AMMECR1: variants seen among roughly 807,000 people sequenced by gnomAD.
The protein encoded by AMMECR1 is nuclear protein AMMECR1.
In AMMECR1, 3 loss-of-function variants were observed where a neutral mutation model predicts 22.5. The ratio of observed to expected loss-of-function variants is 0.13; its 90% confidence interval spans 0.06 to 0.35. The LOEUF is 0.35. Among genes scored for constraint, AMMECR1 ranks in the 10% least tolerant of loss-of-function variants. The pLI, the probability that AMMECR1 is intolerant of heterozygous loss-of-function variation, is 1.00. For synonymous variants in AMMECR1, 130 were observed against 116.7 expected (o/e 1.11, Z -0.74); for missense variants, 235 against 278.7 (o/e 0.84, Z 1.12).
At chrX:110,423,336 A>AAAAAAG (rs940957310) in intron 2 of AMMECR1, among the ~76,000 whole-genome samples, 18 of 110,889 alleles carry the variant, frequency 1.6e-4, no homozygotes, top group African/African-American at 5.9e-4. Context: ...CTCAAAAAAA[A>AAAAAAG]AAAAAGAAAA....
At chrX:110,346,224 TA>T (rs1299556624) in intron 2 of AMMECR1, among the ~76,000 whole-genome samples, 1 of 112,152 alleles carries the variant, frequency 8.9e-6, no homozygotes, top group East Asian at 2.8e-4. Context: ...ATTAAATTTT[TA>T]TATGTTACTT....
chrX:110,405,269 C>T (rs1402555518), intron 2 of AMMECR1, among the ~76,000 whole-genome samples: 1 of 111,538 alleles, frequency 9.0e-6, no homozygotes, highest in African/African-American at 3.3e-5. Flanking sequence ...TGCCAAATTG[C>T]AAAGGGAGCT....
intron 2 of AMMECR1, among the ~76,000 whole-genome samples, chrX:110,406,524 G>C (rs979955481): frequency 9.0e-6 from 1 of 111,633 alleles, no homozygotes; most frequent in Admixed American, 9.5e-5. Flanking sequence ...CATTTGGGTT[G>C]GTTCCAAGTC....
At chrX:110,331,417 T>C (rs746422382) in intron 2 of AMMECR1, among the ~76,000 whole-genome samples, 1 of 109,232 alleles carries the variant, frequency 9.2e-6, no homozygotes, top group East Asian at 2.9e-4. Flanking sequence ...TACACAACCT[T>C]GGCCTTCTTA....
intron 2 of AMMECR1, among the ~76,000 whole-genome samples, chrX:110,326,978 G>A (rs2068100190): frequency 1.8e-5 from 2 of 112,042 alleles, no homozygotes; most frequent in African/African-American, 6.5e-5. Flanking sequence ...TTATGATTAT[G>A]ACTAGATTTC....
intron 2 of AMMECR1, among the ~76,000 whole-genome samples, chrX:110,410,150 C>T (rs757381387): frequency 5.5e-4 from 61 of 111,403 alleles, no homozygotes; most frequent in Non-Finnish European, 1.5e-4. Context: ...TGACTCGCCT[C>T]GGGTCACAGA....
At chrX:110,299,416 G>A (rs772224635) in intron 1 of AMMECR1, among the ~76,000 whole-genome samples, 50 of 111,783 alleles carry the variant, frequency 4.5e-4, no homozygotes, top group Non-Finnish European at 8.7e-4. Flanking sequence ...TAATCCCTTG[G>A]CTCAGGCTTC....
intron 2 of AMMECR1, among the ~76,000 whole-genome samples, chrX:110,254,754 AT>A (rs2067702374): frequency 8.9e-6 from 1 of 112,391 alleles, no homozygotes; most frequent in African/African-American, 3.2e-5. Flanking sequence ...TCCATTTAAA[AT>A]TTTTTAAAAG....
intron 2 of AMMECR1, among the ~76,000 whole-genome samples, chrX:110,399,196 A>T (rs1204079630): frequency 8.9e-6 from 1 of 112,568 alleles, no homozygotes; most frequent in Non-Finnish European, 1.9e-5. Flanking sequence ...GCACTCTCCT[A>T]AGCACATTCC....
At chrX:110,421,671 C>G (rs16985992) in intron 2 of AMMECR1, among the ~76,000 whole-genome samples, 3,237 of 112,804 alleles carry the variant, frequency 0.029, 75 homozygotes, top group African/African-American at 0.083. Context: ...GCCAATTTGT[C>G]TATTTCAACT....
chrX:110,343,937 C>T lies in AMMECR1; in HGVS notation c.-147-26088G>A, dbSNP rs186178564. Among the ~76,000 whole-genome samples, 113 of 111,549 alleles carry T rather than the reference C, an allele frequency of 1.0e-3. 1 individual carries two copies. The highest frequency in any genetic ancestry group is 3.4e-3 in the African/African-American group (103 of 30,684). ...TACTGCCCAAGGTAATCTATAGATT[C>T]GATGCCATCCCCATCAAGCTACCAA... On this transcript the variant is annotated intron_variant, in intron 2 of 7. Coordinates refer to the AMMECR1 transcript ENST00000372057.
intron 1 of AMMECR1, among the ~76,000 whole-genome samples, chrX:110,281,600 G>C (rs185002457): frequency 9.0e-4 from 100 of 111,731 alleles, no homozygotes; most frequent in African/African-American, 3.1e-3. Flanking sequence ...CACTCCACTC[G>C]ATCAGGGTTG....
intron 2 of AMMECR1, chrX:110,347,038 T>G (rs927548066): frequency 2.8e-5 from 12 of 435,814 alleles, no homozygotes; most frequent in African/African-American, 2.0e-4. Context: ...TATACATTGA[T>G]GATACAAACT....
At chrX:110,370,100 A>G (rs1328036801) in intron 2 of AMMECR1, among the ~76,000 whole-genome samples, 1 of 112,128 alleles carries the variant, frequency 8.9e-6, no homozygotes, top group Non-Finnish European at 1.9e-5. Flanking sequence ...CAGTTCTGTC[A>G]GGACCTGGTA....
chrX:110,213,671 G>A (rs751414850), intron 3 of AMMECR1, among the ~76,000 whole-genome samples: 7 of 111,310 alleles, frequency 6.3e-5, no homozygotes, highest in African/African-American at 2.3e-4. Context: ...TTCCATTTTG[G>A]CATTCTGTGT....
At chrX:110,300,057 G>A (rs1291518911) in intron 1 of AMMECR1, among the ~76,000 whole-genome samples, 1 of 112,126 alleles carries the variant, frequency 8.9e-6, no homozygotes, top group Admixed American at 9.4e-5. Context: ...GAGATTGCTG[G>A]ATTGATCATA....
chrX:110,397,741 G>T (rs1220179700), intron 2 of AMMECR1, among the ~76,000 whole-genome samples: 1 of 111,694 alleles, frequency 9.0e-6, no homozygotes, highest in Non-Finnish European at 1.9e-5. Flanking sequence ...GCCTGCAAAG[G>T]CCAACCTGCC....
rs770275249 is a variant in AMMECR1 at position 110,222,184 on chromosome X, T to C, written c.585-5552A>G. On this transcript the variant is annotated intron_variant, in intron 2 of 5. Coordinates refer to ENST00000262844, the MANE Select transcript of AMMECR1 (RefSeq NM_015365.3). Reference sequence around the variant, plus strand: ...CGGCATTATTCACAATAGCAAAGACTTGGAACCAACCCAAATGTCCAACAA... The same window carrying C: ...CGGCATTATTCACAATAGCAAAGACCTGGAACCAACCCAAATGTCCAACAA... Among the ~76,000 whole-genome samples, 589 of 84,178 alleles carry C rather than the reference T, an allele frequency of 7.0e-3. 4 individuals are homozygous for C. Among genetic ancestry groups the C allele is most frequent in the African/African-American group, 0.024 (553 of 22,649 alleles). The allele number at this position is 84,178 out of a possible 115,157, so 73.1% of individuals were successfully genotyped here.
chrX:110,303,489 C>T (rs751294304), intron 1 of AMMECR1, among the ~76,000 whole-genome samples: 7 of 111,932 alleles, frequency 6.3e-5, no homozygotes, highest in African/African-American at 9.7e-5. Context: ...GAAAGATTTA[C>T]GGATATTAAA....
Sources: gnomAD v4.1 joint callset for allele counts (sites outside exome capture counted in the v4.1 genomes callset) on GRCh38, gnomAD v4.1.1 for gene constraint, MANE v1.5 for transcripts, NCBI Gene and HGNC (gene_info 2026-07-23, HGNC 2026-07-21) for gene names.